PTPRN2: variants seen among roughly 807,000 people sequenced by gnomAD.
The protein encoded by PTPRN2 is protein tyrosine phosphatase receptor type N2.
A neutral mutation model predicts 118.8 loss-of-function variants in PTPRN2; 74 were observed. The ratio of observed to expected loss-of-function variants is 0.62; its 90% CI spans 0.52 to 0.76. The LOEUF is 0.76. Among genes scored for constraint, PTPRN2 ranks in the 30% least tolerant of loss-of-function variants. PTPRN2 has a pLI of 0.00. For synonymous variants in PTPRN2, 641 were observed against 608.0 expected (o/e 1.05, Z -0.80); for missense variants, 1,481 against 1,394.4 (o/e 1.06, Z -0.99).
intron 1 of PTPRN2, among the ~76,000 whole-genome samples, chr7:158,569,509 G>T (rs1827853418): frequency 6.6e-6 from 1 of 152,172 alleles, no homozygotes; most frequent in Non-Finnish European, 1.5e-5. Context: ...TGGGGCCGAG[G>T]GGTCCGGCTC....
In PTPRN2 at chr7:158,342,984, C is replaced by T. The variant is rs181515442; in HGVS notation, c.164-26052G>A. On this transcript the variant is annotated intron_variant, in intron 2 of 22. Transcript: ENST00000389418. ...CAGCACATGCCGATGACCAGCTCTG[C>T]GTTGCAGTGAGCTGAGATTGCGCCA... Among the ~76,000 whole-genome samples, 65 of 152,294 alleles carry T rather than the reference C, an allele frequency of 4.3e-4. 1 individual carries two copies. The highest frequency in any genetic ancestry group is 1.3e-3 in the African/African-American group (55 of 41,566).
intron 11 of PTPRN2, among the ~76,000 whole-genome samples, chr7:157,961,558 C>A (rs1465953632): frequency 6.6e-6 from 1 of 151,712 alleles, no homozygotes. Context: ...TATAAAAAGT[C>A]GATTAAAACA....
intron 2 of PTPRN2, among the ~76,000 whole-genome samples, chr7:158,450,220 G>A (rs1030037068): frequency 2.0e-5 from 3 of 152,214 alleles, no homozygotes; most frequent in African/African-American, 4.8e-5. Context: ...CCACCCTCAC[G>A]GGTGATCTAA....
At chr7:158,268,353 A>T (rs1050008684) in intron 3 of PTPRN2, among the ~76,000 whole-genome samples, 12 of 148,552 alleles carry the variant, frequency 8.1e-5, no homozygotes, top group African/African-American at 3.0e-4. Flanking sequence ...GAAATATCCC[A>T]GCTGCACGCA....
intron 3 of PTPRN2, among the ~76,000 whole-genome samples, chr7:158,234,064 A>C (rs925260734): frequency 6.6e-6 from 1 of 152,234 alleles, no homozygotes; most frequent in Admixed American, 6.5e-5. Context: ...GATCAGGGCA[A>C]AGATTTTTTT....
chr7:157,570,562 T>C (rs1799705720), intron 20 of PTPRN2, among the ~76,000 whole-genome samples: 1 of 152,180 alleles, frequency 6.6e-6, no homozygotes, highest in African/African-American at 2.4e-5. Context: ...AGGAGTTGGG[T>C]ATGAAGTCCA....
intron 2 of PTPRN2, among the ~76,000 whole-genome samples, chr7:158,395,954 T>C (rs981711377): frequency 1.1e-4 from 17 of 152,010 alleles, no homozygotes; most frequent in African/African-American, 4.1e-4. Context: ...TGCCCCCTGG[T>C]CACAGAGGTG....
At chr7:157,656,731 G>A (rs1461083342) in intron 13 of PTPRN2, among the ~76,000 whole-genome samples, 180 bp from the exon 14 acceptor site, 3 of 152,058 alleles carry the variant, frequency 2.0e-5, no homozygotes, top group Non-Finnish European at 4.4e-5. Context: ...CCCAAAGCAC[G>A]CGCCCAGCAC....
intron 14 of PTPRN2, 60 bp from the exon 15 acceptor site, chr7:157,621,569 C>T: frequency 6.3e-7 from 1 of 1,592,938 alleles, no homozygotes; most frequent in Non-Finnish European, 8.5e-7. Context: ...CCGGCAGATG[C>T]ACAAAAGGCA....
chr7:157,835,942 T>C (rs1277529661), intron 12 of PTPRN2, among the ~76,000 whole-genome samples: 1 of 152,210 alleles, frequency 6.6e-6, no homozygotes, highest in Non-Finnish European at 1.5e-5. Flanking sequence ...AGCTCAGCCT[T>C]TCTGAACTTC....
At chr7:157,689,585 G>A (rs1396456578) in intron 12 of PTPRN2, among the ~76,000 whole-genome samples, 1 of 152,206 alleles carries the variant, frequency 6.6e-6, no homozygotes, top group Non-Finnish European at 1.5e-5. Flanking sequence ...CCGATTCCCT[G>A]GAGCAACGCT....
chr7:157,992,445 G>C lies in PTPRN2; in HGVS notation c.1723+88853C>G, dbSNP rs1309276876. Among the ~76,000 whole-genome samples the C allele has an allele frequency of 2.0e-5, 3 of 152,256 alleles. No individual in the cohort carries two copies. The East Asian group carries it at 5.8e-4, about 29-fold the overall frequency. On this transcript the variant is annotated intron_variant, in intron 11 of 22. Transcript: ENST00000389418. ...GGCAGGTTGGGGGACCGGCCACACG[G>C]TCTGTACTGAGTGGGTCTCTCAGCA... is the stretch of plus-strand genomic sequence containing the variant.
chr7:158,071,282 G>C (rs369497740), intron 11 of PTPRN2, among the ~76,000 whole-genome samples: 12,428 of 57,906 alleles, frequency 0.21, 2,951 homozygotes, highest in African/African-American at 0.41. Context: ...AGGTGCCCGT[G>C]GTGGTGGAGG....
chr7:157,543,542 G>T (rs538383138), intron 22 of PTPRN2, among the ~76,000 whole-genome samples: 4 of 152,222 alleles, frequency 2.6e-5, no homozygotes, highest in Non-Finnish European at 5.9e-5. Flanking sequence ...CATGGCTCTC[G>T]GACACCCGCT....
intron 3 of PTPRN2, among the ~76,000 whole-genome samples, chr7:158,280,054 G>A (rs1190260159): frequency 6.7e-6 from 1 of 150,230 alleles, no homozygotes; most frequent in African/African-American, 2.5e-5. Flanking sequence ...CCCCACCGCT[G>A]CCCCCAAACT....
At chr7:158,149,515 T>G (rs960281393) in intron 6 of PTPRN2, among the ~76,000 whole-genome samples, 1 of 152,050 alleles carries the variant, frequency 6.6e-6, no homozygotes, top group African/African-American at 2.4e-5. Context: ...TTTAAAAAGA[T>G]AAGCCCGGCT....
At chr7:157,659,116 T>C (rs1795751488) in intron 13 of PTPRN2, among the ~76,000 whole-genome samples, 1 of 151,688 alleles carries the variant, frequency 6.6e-6, no homozygotes, top group African/African-American at 2.4e-5. Context: ...CTAGAAAACA[T>C]TTCCCTCCAC....
intron 1 of PTPRN2, among the ~76,000 whole-genome samples, chr7:158,569,475 T>C (rs1314844540): frequency 6.6e-6 from 1 of 152,226 alleles, no homozygotes; most frequent in Non-Finnish European, 1.5e-5. Flanking sequence ...GGAGGAAGGC[T>C]AGGAGCTCGC....
At chr7:158,469,035 G>GCT (rs1563330017) in intron 2 of PTPRN2, among the ~76,000 whole-genome samples, 1 of 151,838 alleles carries the variant, frequency 6.6e-6, no homozygotes, top group Non-Finnish European at 1.5e-5. Flanking sequence ...ACACACTCCG[G>GCT]GTGGATCAAC....
Sources: allele counts gnomAD v4.1 joint callset (sites outside exome capture counted in the v4.1 genomes callset), GRCh38; gene constraint gnomAD v4.1.1; transcripts MANE v1.5; gene names NCBI Gene and HGNC (gene_info 2026-07-23, HGNC 2026-07-21).